FBN3: variants seen among roughly 807,000 people sequenced by gnomAD.
FBN3 encodes fibrillin 3.
In FBN3, 234 loss-of-function variants were observed where a neutral mutation model predicts 330.1. That is an observed-to-expected ratio of 0.71 (90% CI 0.64 to 0.79). The LOEUF (loss-of-function observed/expected upper bound fraction) is 0.79, where lower values mean the gene tolerates loss of function less well. FBN3 is among the 30% of genes least tolerant of loss of function. The pLI, the probability that FBN3 is intolerant of heterozygous loss-of-function variation, is 0.00. For synonymous variants in FBN3, 1,458 were observed against 1,517.3 expected (o/e 0.96, Z 0.91); for missense variants, 3,606 against 3,886.9 (o/e 0.93, Z 1.92).
chr19:8,141,365 CAAAAAAA>C (rs56688351), intron 8 of FBN3, among the ~76,000 whole-genome samples: 1 of 78,980 alleles, frequency 1.3e-5, no homozygotes, highest in Non-Finnish European at 2.6e-5. Flanking sequence ...GACTCTGTCT[CAAAAAAA>C]AAAAAAAAAA....
chr19:8,087,889 C>T lies in FBN3; in HGVS notation c.6555G>A (p.Glu2185=), dbSNP rs752987243. ...LLCAFRCHNT[E]GSYLCTCPAG... ...CTGGACAGGTGCACAGGTAGGAGCC[C>T]TCGGTATTGTGGCAGCGGAAGGCAC... The change falls in exon 53 of 64, where the codon GAG becomes GAA. Residue 2185 remains glutamate (E), a synonymous_variant. Transcript: ENST00000600128. 18 of 1,614,032 alleles carry T rather than the reference C, an allele frequency of 1.1e-5. No individual in the cohort carries two copies. The highest frequency in any genetic ancestry group is 1.4e-5 in the Non-Finnish European group (17 of 1,180,042).
rs1555721997 is a variant in FBN3, at chr19:8,068,701, C to CAAAT, written c.8089-2445_8089-2442dup. Among the ~76,000 whole-genome samples, 259 of 127,950 alleles carry CAAAT rather than the reference C, an allele frequency of 2.0e-3. 4 individuals are homozygous for CAAAT. In the South Asian group the frequency reaches 0.053, roughly 26 times the overall value. The allele number at this position is 127,950 out of a possible 152,430, so 83.9% of individuals were successfully genotyped here. The stretch of plus-strand genomic sequence containing the variant: ...TGGGTGACAGAGTGAGACCTTGTCT[C>CAAAT]AAATAAATAAATAAATAAATAAATA... On this transcript the variant is annotated intron_variant, in intron 63 of 63. Coordinates refer to ENST00000600128, the MANE Select transcript of FBN3 (RefSeq NM_032447.5).
intron 13 of FBN3, among the ~76,000 whole-genome samples, chr19:8,134,445 G>A (rs890678701): frequency 4.6e-5 from 7 of 152,112 alleles, no homozygotes; most frequent in Non-Finnish European, 1.0e-4. Flanking sequence ...AGGTATGCTG[G>A]CTCATGCCTG....
At chr19:8,128,488 A>G (rs2083047416) in intron 18 of FBN3, among the ~76,000 whole-genome samples, 2 of 151,618 alleles carry the variant, frequency 1.3e-5, no homozygotes, top group African/African-American at 4.9e-5. Context: ...CGCTTGAACT[A>G]GGAGGCAGAG....
chr19:8,136,768 C>T (rs992157542), intron 10 of FBN3, among the ~76,000 whole-genome samples: 1 of 150,134 alleles, frequency 6.7e-6, no homozygotes, highest in African/African-American at 2.5e-5. Flanking sequence ...ATCCCTCCAA[C>T]CTGGGGCCTG....
Position 8,112,070 on chromosome 19 carries a change from T to C in FBN3, c.3868A>G (p.Asn1290Asp). 1 of 1,613,122 alleles carries C rather than the reference T, an allele frequency of 6.2e-7. No homozygotes were observed. The highest frequency in any genetic ancestry group is 1.1e-5 in the South Asian group (1 of 91,024). ...DVDECEVGGH[N>D]CDSHASCLNI... ...AGACAGGAGGCGTGACTGTCACAGT[T>C]GTGTCCTCCAACCTCGCATTCATCC... Residue 1290 changes from asparagine (N) to aspartate (D), a missense_variant, in exon 31 of 64, where the codon AAC (asparagine) becomes GAC (aspartate). Coordinates refer to ENST00000600128, the MANE Select transcript of FBN3 (RefSeq NM_032447.5).
In FBN3 at chr19:8,081,050, G is replaced by A. The variant is rs1464592298; in HGVS notation, c.7406C>T (p.Thr2469Ile). 2 of 1,613,578 alleles carry A rather than the reference G, an allele frequency of 1.2e-6. 1 individual carries two copies. The highest frequency in any genetic ancestry group is 2.2e-5 in the South Asian group (2 of 91,080). The change falls in exon 59 of 64, where the codon ACC becomes ATC. Residue 2469 changes from threonine (T) to isoleucine (I), a missense_variant. By Grantham distance (89) the Thr-to-Ile change is moderately conservative. Coordinates refer to ENST00000600128, the MANE Select transcript of FBN3 (RefSeq NM_032447.5). ...GGTGAAGCCGGGCGGACAGCGGCAGGTGAAGGCGCCCACAGTGTTGACACA... is the reference window on the plus strand; with the variant it reads ...GGTGAAGCCGGGCGGACAGCGGCAGATGAAGGCGCCCACAGTGTTGACACA... The part of the protein sequence containing the change: ...FLCVNTVGAF[T>I]CRCPPGFTQH...
At chr19:8,097,104 C>T in intron 42 of FBN3, 98 bp from the exon 43 acceptor site, 1 of 1,534,648 alleles carries the variant, frequency 6.5e-7, no homozygotes, top group Non-Finnish European at 8.8e-7. Flanking sequence ...CAGGTGGTTT[C>T]TCTGGAAGCA....
intron 47 of FBN3, among the ~76,000 whole-genome samples, chr19:8,093,408 G>A (rs1221750553): frequency 6.6e-6 from 1 of 152,118 alleles, no homozygotes; most frequent in Non-Finnish European, 1.5e-5. Flanking sequence ...CAGATCACGA[G>A]GTCAGGAGAT....
chr19:8,069,002 A>ACC (rs2081453639), intron 63 of FBN3, among the ~76,000 whole-genome samples: 1 of 152,102 alleles, frequency 6.6e-6, no homozygotes, highest in African/African-American at 2.4e-5. Context: ...TGACATTGCG[A>ACC]CCCAGAGCCC....
At chr19:8,123,096 G>C (rs2082891713) in intron 24 of FBN3, among the ~76,000 whole-genome samples, 1 of 150,772 alleles carries the variant, frequency 6.6e-6, no homozygotes, top group East Asian at 2.0e-4. Context: ...GCTCACACCT[G>C]TAATCCCAGC....
At chr19:8,141,151 C>T (rs1431616774) in intron 8 of FBN3, among the ~76,000 whole-genome samples, 5 of 140,000 alleles carry the variant, frequency 3.6e-5, no homozygotes, top group Admixed American at 2.2e-4. Context: ...GCCGAGATCG[C>T]GCCACTGCAC....
At chr19:8,120,291 T>C (rs955363274) in intron 25 of FBN3, among the ~76,000 whole-genome samples, 5 of 151,000 alleles carry the variant, frequency 3.3e-5, no homozygotes, top group African/African-American at 1.2e-4. Context: ...TGCCTCAGCC[T>C]CCTGAGTAGC....
chr19:8,090,474 G>GTT (rs1568379756), intron 48 of FBN3, among the ~76,000 whole-genome samples: 8 of 113,618 alleles, frequency 7.0e-5, no homozygotes, highest in Non-Finnish European at 1.3e-4. Flanking sequence ...TGTTGTTGTT[G>GTT]GTGGTGGTGG....
At chr19:8,098,329 AC>A (rs1163740061) in intron 41 of FBN3, among the ~76,000 whole-genome samples, 1 of 151,948 alleles carries the variant, frequency 6.6e-6, no homozygotes, top group Non-Finnish European at 1.5e-5. Flanking sequence ...TCAATGGGGG[AC>A]AGGAAACAAC....
intron 37 of FBN3, 76 bp from the exon 38 acceptor site, chr19:8,106,309 T>C (rs901607741): frequency 4.5e-6 from 7 of 1,552,600 alleles, no homozygotes; most frequent in Non-Finnish European, 2.7e-6. Context: ...CACCATGCTC[T>C]GGGTTCTCCA....
chr19:8,126,950 CA>C (rs1400994620), intron 18 of FBN3, 118 bp from the exon 19 acceptor site: 7 of 1,188,500 alleles, frequency 5.9e-6, no homozygotes, highest in South Asian at 5.1e-5. Context: ...CCCAGATGCA[CA>C]AGCATGCAGA....
Position 8,089,405 on chromosome 19 carries a change from G to A in FBN3, c.6376+140C>T, listed in dbSNP as rs1599309962. ...AATGAGTGAATGAAGCACAGAGGGA[G>A]AAAAAGTGAATGGGGGAGAGAGGCA... On this transcript the variant is annotated intron_variant, in intron 51 of 63. Transcript: ENST00000600128. 1.4e-5 allele frequency: 13 copies of A among 898,868 alleles called. No individual in the cohort carries two copies. The South Asian group carries it at 2.3e-4, about 16-fold the overall frequency. 55.7% of individuals were successfully genotyped at this position (898,868 alleles called of 1,614,324 possible).
In FBN3 at chr19:8,085,469, C is replaced by G. The variant is rs61729617; in HGVS notation, c.6981G>C (p.Gly2327=). Residue 2327 remains glycine (G), a synonymous_variant, in exon 56 of 64, where the codon GGG becomes GGC. Coordinates refer to ENST00000600128, the MANE Select transcript of FBN3 (RefSeq NM_032447.5). ...EAVTRAECCC[G]GGRGWGPRCE... is the part of the protein sequence containing the mutation. ...AGCGGGGCCCCCAGCCCCGGCCACC[C>G]CCACAGCAGCACTCGGCCCTGGTGA... is the stretch of plus-strand genomic sequence containing the variant. 1.7e-5 allele frequency: 27 copies of G among 1,585,766 alleles called. No individual in the cohort carries two copies. The highest frequency in any genetic ancestry group is 3.6e-5 in the Admixed American group (2 of 55,746).
Sources: gnomAD v4.1 joint callset for allele counts (sites outside exome capture counted in the v4.1 genomes callset) on GRCh38, gnomAD v4.1.1 for gene constraint, MANE v1.5 for transcripts, NCBI Gene and HGNC (gene_info 2026-07-23, HGNC 2026-07-21) for gene names.